Variants in SLC39A9 observed in about 807,000 individuals in gnomAD.
SLC39A9 encodes the protein solute carrier family 39 member 9.
Under a neutral mutation model 28.4 loss-of-function variants are expected in SLC39A9, and 14 were observed. The observed-to-expected ratio is 0.49, with a 90% CI of 0.33 to 0.77. SLC39A9 has a LOEUF of 0.77. Among genes scored for constraint, SLC39A9 ranks in the 30% least tolerant of loss-of-function variants. SLC39A9 has a pLI of 0.02. For missense variants in SLC39A9, 283 were observed against 381.1 expected, an observed-to-expected ratio of 0.74 and a Z score of 2.14; for synonymous variants, 119 against 149.6, an observed-to-expected ratio of 0.80 and a Z score of 1.49.
intron 1 of SLC39A9, among the ~76,000 whole-genome samples, chr14:69,402,977 G>A (rs2140243525): frequency 6.6e-6 from 1 of 152,288 alleles, no homozygotes; most frequent in Non-Finnish European, 1.5e-5. Context: ...AGCTACTCAG[G>A]AGGCTGAGAC....
chr14:69,440,540 G>A (rs372673299), intron 2 of SLC39A9, among the ~76,000 whole-genome samples: 6 of 152,246 alleles, frequency 3.9e-5, no homozygotes, highest in Admixed American at 2.6e-4. Context: ...AGCTGAGATT[G>A]CACCACTGTA....
chr14:69,441,275 C>T (rs1295605688), intron 2 of SLC39A9, among the ~76,000 whole-genome samples: 2 of 152,088 alleles, frequency 1.3e-5, no homozygotes, highest in Admixed American at 6.6e-5. Context: ...AAGATGAGAC[C>T]TTGTCTCAAT....
chr14:69,455,402 C>A (rs1423006547), intron 5 of SLC39A9, among the ~76,000 whole-genome samples: 1 of 151,634 alleles, frequency 6.6e-6, no homozygotes, highest in East Asian at 1.9e-4. Flanking sequence ...TCTCGGCTCA[C>A]TGCAACCTCC....
chr14:69,398,885 G>A lies in SLC39A9; in HGVS notation c.-485G>A. ...TTCCTCATCCCAGGCTCGGAGGAGA[G>A]TTTGCTGGGACTGGTGGGCTGGTTT... is the stretch of plus-strand genomic sequence containing the variant. On this transcript the variant is annotated 5_prime_UTR_variant, in exon 1 of 7. Transcript: ENST00000336643. 5.0e-6 allele frequency: 1 copy of A among 200,200 alleles called. No homozygotes were observed. Among genetic ancestry groups the A allele is most frequent in the South Asian group, 7.2e-5 (1 of 13,916 alleles). The allele number at this position is 200,200 out of a possible 1,614,324, so 12.4% of individuals were successfully genotyped here. A position where few individuals can be genotyped will look rare whatever the true frequency, so the allele number is the denominator to read the frequency against.
chr14:69,407,732 A>G (rs999809005), intron 1 of SLC39A9, among the ~76,000 whole-genome samples: 1 of 150,312 alleles, frequency 6.7e-6, no homozygotes, highest in Non-Finnish European at 1.5e-5. Flanking sequence ...TCCTCCTCTC[A>G]GGTTCAAGAG....
chr14:69,446,745 C>T (rs752514473), intron 3 of SLC39A9, among the ~76,000 whole-genome samples: 6 of 151,626 alleles, frequency 4.0e-5, no homozygotes, highest in East Asian at 3.9e-4. Context: ...TGGTGGCACA[C>T]GCCTGTAATC....
intron 1 of SLC39A9, among the ~76,000 whole-genome samples, chr14:69,420,298 T>A (rs1444320292): frequency 6.6e-6 from 1 of 152,238 alleles, no homozygotes; most frequent in African/African-American, 2.4e-5. Context: ...TTGAAAATTC[T>A]TTTCTTTGAG....
chr14:69,459,717 A>G lies in SLC39A9; in HGVS notation c.*1124A>G, dbSNP rs78786480. 583 of 984,808 alleles carry G rather than the reference A, an allele frequency of 5.9e-4. 4 individuals carry two copies. The African/African-American group carries it at 9.8e-3, about 17-fold the overall frequency. The allele number at this position is 984,808 out of a possible 1,614,324, so 61.0% of individuals were successfully genotyped here. A position where few individuals can be genotyped will look rare whatever the true frequency, so the allele number is the denominator to read the frequency against. On this transcript the variant is annotated 3_prime_UTR_variant, in exon 7 of 7. Transcript: ENST00000336643. The stretch of plus-strand genomic sequence containing the variant: ...TGCCTATTGATTTAAAGCTTATTGG[A>G]ATCATGTCTCTTGTCTCTTCGTCTT...
chr14:69,436,167 T>C (rs2140289748), intron 2 of SLC39A9, among the ~76,000 whole-genome samples: 1 of 152,100 alleles, frequency 6.6e-6, no homozygotes, highest in Non-Finnish European at 1.5e-5. Flanking sequence ...TTTGGGAAGC[T>C]CAGGTGGGGG....
chr14:69,432,553 A>C (rs1037799487), intron 2 of SLC39A9, among the ~76,000 whole-genome samples: 2 of 152,014 alleles, frequency 1.3e-5, no homozygotes, highest in African/African-American at 4.8e-5. Flanking sequence ...GTTTAGTTTT[A>C]TTAGGTCCTA....
intron 1 of SLC39A9, among the ~76,000 whole-genome samples, chr14:69,408,884 C>T (rs1883084697): frequency 6.6e-6 from 1 of 152,078 alleles, no homozygotes; most frequent in Admixed American, 6.5e-5. Context: ...GAAAACATCT[C>T]TATGTTCACA....
chr14:69,412,546 A>G (rs923806733), intron 1 of SLC39A9, among the ~76,000 whole-genome samples: 1 of 152,178 alleles, frequency 6.6e-6, no homozygotes, highest in African/African-American at 2.4e-5. Flanking sequence ...TGGCACAAAT[A>G]TTCTAAAGAG....
chr14:69,419,528 A>G (rs1360677998), intron 1 of SLC39A9, among the ~76,000 whole-genome samples: 1 of 152,210 alleles, frequency 6.6e-6, no homozygotes, highest in Non-Finnish European at 1.5e-5. Context: ...GGCTTTGTGC[A>G]GAGTTGAGTT....
rs1173259808 is a variant in SLC39A9, at chr14:69,459,437, C to G, written c.*844C>G. 1 of 985,180 alleles carries G rather than the reference C, an allele frequency of 1.0e-6. No individual in the cohort carries two copies. The highest frequency in any genetic ancestry group is 1.2e-6 in the Non-Finnish European group (1 of 829,924). The allele number at this position is 985,180 out of a possible 1,614,324, so 61.0% of individuals were successfully genotyped here. On this transcript the variant is annotated 3_prime_UTR_variant, in exon 7 of 7. Transcript: ENST00000336643. ...CTTTCCTTCAAGAACAGTCAGATCA[C>G]AAAGTGTCTTTGGAAATTAAGGGAT...
chr14:69,402,353 A>G (rs1385221848), intron 1 of SLC39A9, among the ~76,000 whole-genome samples: 1 of 152,224 alleles, frequency 6.6e-6, no homozygotes. Flanking sequence ...AGCTTGATTT[A>G]CATGAAAAGA....
At chr14:69,416,583 C>G (rs1240079169) in intron 1 of SLC39A9, among the ~76,000 whole-genome samples, 1 of 152,194 alleles carries the variant, frequency 6.6e-6, no homozygotes, top group Non-Finnish European at 1.5e-5. Context: ...TTTACACTCC[C>G]ACCAGCAGTG....
intron 1 of SLC39A9, among the ~76,000 whole-genome samples, chr14:69,414,824 C>T (rs963325772): frequency 6.6e-6 from 1 of 152,180 alleles, no homozygotes; most frequent in Non-Finnish European, 1.5e-5. Context: ...TCACCAGAGG[C>T]AGTCACTGTT....
intron 1 of SLC39A9, among the ~76,000 whole-genome samples, chr14:69,412,885 C>G (rs1299902814): frequency 6.6e-6 from 1 of 152,184 alleles, no homozygotes; most frequent in Non-Finnish European, 1.5e-5. Context: ...CTCACGCTGC[C>G]TTTCTTCGAA....
At chr14:69,452,628 C>T (rs1885663342) in intron 3 of SLC39A9, among the ~76,000 whole-genome samples, 1 of 151,976 alleles carries the variant, frequency 6.6e-6, no homozygotes, top group Admixed American at 6.6e-5. Flanking sequence ...CTGTGCCCGG[C>T]CAAGGGTGGT....
Sources: gnomAD v4.1 joint callset for allele counts (sites outside exome capture counted in the v4.1 genomes callset) on GRCh38, gnomAD v4.1.1 for gene constraint, MANE v1.5 for transcripts, NCBI Gene and HGNC (gene_info 2026-07-23, HGNC 2026-07-21) for gene names.